Variants in LCT observed in about 807,000 individuals in gnomAD.
LCT encodes the protein lactase.
In LCT, 90 loss-of-function variants were observed where a neutral mutation model predicts 173.0. The ratio of observed to expected loss-of-function variants is 0.52; its 90% CI spans 0.44 to 0.62. The LOEUF (loss-of-function observed/expected upper bound fraction) is 0.62, where lower values mean the gene tolerates loss of function less well. LCT is among the 20% of genes least tolerant of loss of function. The pLI is 0.00. For synonymous variants in LCT, 853 were observed against 957.6 expected, an observed-to-expected ratio of 0.89 and a Z score of 2.02; for missense variants, 1,864 against 2,431.4, an observed-to-expected ratio of 0.77 and a Z score of 4.91.
rs74819188 is a variant in LCT, at chr2:135,789,206, C to T, written c.5563+365G>A. ...TTACATTTAACAAATACGGGGCACC[C>T]ACATGGTGCAGGCATTGTACTTTCA... On this transcript the variant is annotated intron_variant, in intron 16 of 16. Coordinates refer to ENST00000264162, the MANE Select transcript of LCT (RefSeq NM_002299.4). 0.01 allele frequency among the ~76,000 whole-genome samples: 1,590 copies of T among 152,298 alleles called. 99 individuals carry two copies. In the East Asian group the frequency reaches 0.19, roughly 18 times the overall value.
chr2:135,798,220 T>C, intron 12 of LCT, 82 bp from the exon 13 acceptor site: 2 of 810,048 alleles, frequency 2.5e-6, no homozygotes, highest in Non-Finnish European at 4.5e-6. Context: ...CAGAAGTGCC[T>C]GGCCTCACAA....
At chr2:135,792,214 C>T (rs1250688757) in intron 14 of LCT, among the ~76,000 whole-genome samples, 1 of 152,148 alleles carries the variant, frequency 6.6e-6, no homozygotes, top group African/African-American at 2.4e-5. Context: ...GTAGAAGAAG[C>T]AGTGGGAAGA....
intron 8 of LCT, 64 bp from the exon 9 acceptor site, chr2:135,807,460 C>A: frequency 6.9e-7 from 1 of 1,445,572 alleles, no homozygotes; most frequent in Non-Finnish European, 9.7e-7. Flanking sequence ...TCCATGCACC[C>A]AACCCACTGC....
At chr2:135,807,644 C>T (rs529602581) in intron 8 of LCT, among the ~76,000 whole-genome samples, 1 of 152,190 alleles carries the variant, frequency 6.6e-6, no homozygotes, top group South Asian at 2.1e-4. Flanking sequence ...GCCCCAAATT[C>T]AAGATCTTCA....
At chr2:135,818,483 C>G (rs78765704) in intron 5 of LCT, among the ~76,000 whole-genome samples, 2,110 of 152,286 alleles carry the variant, frequency 0.014, 37 homozygotes, top group African/African-American at 0.048. Context: ...ATTTTCCCAA[C>G]AAATTTATGA....
intron 3 of LCT, among the ~76,000 whole-genome samples, chr2:135,828,099 G>A (rs1393790665): frequency 1.3e-5 from 2 of 151,960 alleles, no homozygotes; most frequent in Non-Finnish European, 2.9e-5. Flanking sequence ...ATCTTGGCTC[G>A]CTGCAACCTC....
chr2:135,836,456 C>T (rs572434045), intron 1 of LCT, 74 bp downstream of exon 1: 1 of 1,351,438 alleles, frequency 7.4e-7, no homozygotes, highest in African/African-American at 1.4e-5. Flanking sequence ...AATGTCGAAT[C>T]TGCTCTAAGG....
At chr2:135,792,888 G>C (rs1354992152) in intron 14 of LCT, among the ~76,000 whole-genome samples, 1 of 152,124 alleles carries the variant, frequency 6.6e-6, no homozygotes, top group Non-Finnish European at 1.5e-5. Flanking sequence ...CAAATACCCT[G>C]GCCAACGTAG....
Position 135,817,368 on chromosome 2 carries a change from G to C in LCT, c.1680C>G (p.Ile560Met), listed in dbSNP as rs1025192775. ...GYGTGQHPPGISDPGVASFKV... is the reference protein window; with the variant it reads ...GYGTGQHPPGMSDPGVASFKV... ...TAAAAGAGGCCACTCCTGGGTCAGA[G>C]ATGCCGGGAGGGTGCTGGCCGGTGC... The change falls in exon 6 of 17, where the codon ATC becomes ATG. Residue 560 changes from isoleucine (I) to methionine (M), a missense_variant. Physicochemically the swap from Ile to Met is conservative, Grantham distance 10. Transcript: ENST00000264162. 6.2e-7 allele frequency: 1 copy of C among 1,614,058 alleles called. No individual in the cohort carries two copies. Among genetic ancestry groups the C allele is most frequent in the Non-Finnish European group, 8.5e-7 (1 of 1,179,928 alleles).
chr2:135,823,708 G>A (rs985308004), intron 4 of LCT, among the ~76,000 whole-genome samples, 193 bp downstream of exon 4: 1 of 152,072 alleles, frequency 6.6e-6, no homozygotes, highest in Non-Finnish European at 1.5e-5. Flanking sequence ...CTCTTTCTTG[G>A]GTCAATGGGG....
chr2:135,827,264 A>T (rs2077896331), intron 3 of LCT, among the ~76,000 whole-genome samples: 1 of 152,092 alleles, frequency 6.6e-6, no homozygotes. Flanking sequence ...CAGATGTGAG[A>T]CTTATTTTTC....
At chr2:135,794,995 A>T (rs527554899) in intron 13 of LCT, among the ~76,000 whole-genome samples, 2 of 151,964 alleles carry the variant, frequency 1.3e-5, no homozygotes, top group East Asian at 3.9e-4. Context: ...TCTCTACAAG[A>T]GCCTCTGAAA....
At chr2:135,808,336 G>C in intron 8 of LCT, 107 bp downstream of exon 8, 1 of 919,668 alleles carries the variant, frequency 1.1e-6, no homozygotes, top group Non-Finnish European at 1.8e-6. Context: ...TGGGACCTAA[G>C]AGAGAGATCT....
rs1428765941 is a variant in LCT at position 135,818,044 on chromosome 2, G to C, written c.1004C>G (p.Thr335Ser). The C allele has an allele frequency of 2.7e-5, 43 of 1,613,284 alleles. No homozygotes were observed. Among genetic ancestry groups the C allele is most frequent in the Non-Finnish European group, 3.2e-5 (38 of 1,180,036 alleles). The part of the protein sequence containing the change: ...SSKKSMSCSL[T>S]GSLALQPDQQ... ...GTCAGGCTGAAGGGCCAGGCTGCCA[G>C]TCAGAGAACAAGACATGCTGCAGGA... is the stretch of plus-strand genomic sequence containing the variant. Residue 335 changes from threonine to serine, a missense_variant, in exon 6 of 17, where the codon ACT becomes AGT. Physicochemically the swap from Thr to Ser is moderately conservative, Grantham distance 58. This residue lies in a region of LCT where 412 missense variants were observed against 462.0 expected (regional missense o/e 0.89). Transcript: ENST00000264162.
chr2:135,789,290 T>C (rs2077516125), intron 16 of LCT, among the ~76,000 whole-genome samples: 1 of 152,244 alleles, frequency 6.6e-6, no homozygotes, highest in Non-Finnish European at 1.5e-5. Flanking sequence ...TTCTTATCTA[T>C]GAGTGCACAG....
chr2:135,816,933 A>G (rs1368826940), intron 6 of LCT, among the ~76,000 whole-genome samples: 2 of 151,782 alleles, frequency 1.3e-5, no homozygotes, highest in Non-Finnish European at 2.9e-5. Context: ...CAGTGGCAAA[A>G]TCTTGGCTCA....
At chr2:135,789,283 T>TTA (rs1202721922) in intron 16 of LCT, among the ~76,000 whole-genome samples, 1 of 152,248 alleles carries the variant, frequency 6.6e-6, no homozygotes, top group East Asian at 1.9e-4. Flanking sequence ...GCCTGGTTTC[T>TTA]TATCTATGAG....
In LCT at chr2:135,833,208, C is replaced by T. The variant is rs2105557913; in HGVS notation, c.641-18G>A. On this transcript the variant is annotated intron_variant, in intron 1 of 16. Transcript: ENST00000264162. Reference sequence around the variant, plus strand: ...TTTTCCGCCTGAAACCAACCAGAGACACGAACAGCAGGTGAGCGAGGGCAG... The same window carrying T: ...TTTTCCGCCTGAAACCAACCAGAGATACGAACAGCAGGTGAGCGAGGGCAG... The T allele has an allele frequency of 6.3e-7, 1 of 1,599,902 alleles. No homozygotes were observed. Among genetic ancestry groups the T allele is most frequent in the Non-Finnish European group, 8.6e-7 (1 of 1,167,642 alleles).
rs1201936867 is a variant in LCT at position 135,807,280 on chromosome 2, T to G, written c.4021A>C (p.Asn1341His). 6.2e-7 allele frequency: 1 copy of G among 1,614,222 alleles called. No individual in the cohort carries two copies. Among genetic ancestry groups the G allele is most frequent in the South Asian group, 1.1e-5 (1 of 91,082 alleles). The change falls in exon 9 of 17, where the codon AAC becomes CAC. Residue 1341 changes from asparagine (N) to histidine (H), a missense_variant. Asn to His is a moderately conservative substitution (Grantham distance 68). This residue lies in a region of LCT where 514 missense variants were observed against 750.1 expected (regional missense o/e 0.69). Transcript: ENST00000264162. ...CTTGCTGTGCGAGGCCTGTTCGTGT[T>G]GTTGAAATCAACATGGTACAGTCCA... The part of the protein sequence containing the change: ...KFGLYHVDFN[N>H]TNRPRTARAS...
Sources: gnomAD v4.1 joint callset for allele counts (sites outside exome capture counted in the v4.1 genomes callset) on GRCh38, gnomAD v4.1.1 for gene constraint, gnomAD v4.1.1 regional missense constraint, MANE v1.5 for transcripts, NCBI Gene and HGNC (gene_info 2026-07-23, HGNC 2026-07-21) for gene names.